The following DNMBP variants were observed in gnomAD, a reference collection of about 807,000 sequenced individuals.
DNMBP encodes dynamin binding protein, also known as dynamin-binding protein.
In DNMBP, 87 loss-of-function variants were observed where a neutral mutation model predicts 150.0. That is an observed-to-expected ratio of 0.58 (90% CI 0.49 to 0.69). The LOEUF (loss-of-function observed/expected upper bound fraction) is 0.69. Ranked by LOEUF, DNMBP falls within the 30% of genes least tolerant of loss-of-function variation. The pLI, the probability that DNMBP is intolerant of heterozygous loss-of-function variation, is 0.00. For synonymous variants in DNMBP, 711 were observed against 750.4 expected, an observed-to-expected ratio of 0.95 and a Z score of 0.86; for missense variants, 1,774 against 1,949.0, an observed-to-expected ratio of 0.91 and a Z score of 1.69.
intron 3 of DNMBP, among the ~76,000 whole-genome samples, chr10:99,959,869 A>AC (rs1414958840): frequency 6.6e-6 from 1 of 151,022 alleles, no homozygotes; most frequent in Non-Finnish European, 1.5e-5. Context: ...AAAAAAAACA[A>AC]AAAAAAAACA....
chr10:99,948,831 C>T (rs1471171636), intron 4 of DNMBP, among the ~76,000 whole-genome samples: 5 of 151,736 alleles, frequency 3.3e-5, no homozygotes, highest in African/African-American at 4.8e-5. Context: ...GGTGTGGTGG[C>T]GGGCACCTGT....
At chr10:99,992,530 T>TG (rs951038271) in intron 1 of DNMBP, among the ~76,000 whole-genome samples, 2 of 147,928 alleles carry the variant, frequency 1.4e-5, no homozygotes, top group African/African-American at 5.1e-5. Context: ...CTAGGAGTTT[T>TG]TTTTTTTTTT....
At chr10:99,895,308 G>T (rs2039636936) in intron 10 of DNMBP, among the ~76,000 whole-genome samples, 1 of 151,920 alleles carries the variant, frequency 6.6e-6, no homozygotes, top group East Asian at 1.9e-4. Context: ...TGTATTACTA[G>T]TAGAGATGGG....
At chr10:99,985,377 A>T (rs2040818387) in intron 1 of DNMBP, among the ~76,000 whole-genome samples, 2 of 152,206 alleles carry the variant, frequency 1.3e-5, no homozygotes, top group Non-Finnish European at 1.5e-5. Context: ...ATATGCCACA[A>T]CACGGCAAAC....
At chr10:99,917,534 G>A (rs2039977035) in intron 4 of DNMBP, among the ~76,000 whole-genome samples, 1 of 152,034 alleles carries the variant, frequency 6.6e-6, no homozygotes. Flanking sequence ...GAATAATAAA[G>A]TAGAAAAAAG....
chr10:99,915,866 AAGT>A (rs1338866264), intron 4 of DNMBP, among the ~76,000 whole-genome samples: 3 of 152,262 alleles, frequency 2.0e-5, no homozygotes, highest in Non-Finnish European at 4.4e-5. Context: ...CTGCCCCAGT[AAGT>A]AGAAGAGCTG....
At chr10:99,901,538 C>A (rs2039738332) in intron 6 of DNMBP, among the ~76,000 whole-genome samples, 1 of 152,136 alleles carries the variant, frequency 6.6e-6, no homozygotes, top group Non-Finnish European at 1.5e-5. Flanking sequence ...CCAGACCCCT[C>A]ATCTAAAGTC....
intron 6 of DNMBP, among the ~76,000 whole-genome samples, chr10:99,907,272 G>A (rs1344140913): frequency 2.6e-5 from 4 of 151,774 alleles, no homozygotes; most frequent in Non-Finnish European, 1.5e-5. Flanking sequence ...AGGCTGCAGT[G>A]AGCTGAATTC....
chr10:99,932,003 A>G (rs2040164155), intron 4 of DNMBP, among the ~76,000 whole-genome samples: 1 of 152,208 alleles, frequency 6.6e-6, no homozygotes, highest in Non-Finnish European at 1.5e-5. Context: ...ATAAGAGAGG[A>G]GGCTGAAGAG....
rs763893446 is a variant in DNMBP, at chr10:99,898,794, A to G, written c.2703-34T>C. ...CAGTGGGCATGAAAAGAAAAGAGAC[A>G]GTTTATTAGAGAGAGAATCTTGAGT... On this transcript the variant is annotated intron_variant, in intron 7 of 16. Coordinates refer to ENST00000324109, the MANE Select transcript of DNMBP (RefSeq NM_015221.4). 4 of 1,594,436 alleles carry G rather than the reference A, an allele frequency of 2.5e-6. No homozygotes were observed. In the East Asian group the frequency reaches 8.9e-5, roughly 36 times the overall value.
rs1270920407 is a variant in DNMBP, at chr10:99,956,888, C to A, written c.586G>T (p.Glu196Ter). Residue 196 changes from glutamate (E) to a stop codon, truncating the protein, a stop_gained, in exon 4 of 17, where the codon GAA becomes TAA. Coordinates refer to ENST00000324109, the MANE Select transcript of DNMBP (RefSeq NM_015221.4). LOFTEE classifies it high-confidence loss of function. ...GGCCCCAACAGCTCTACAAAACCTT[C>A]TGGAAAAATGCCTCTTCGGCCCTCT... ...ELEGRRGIFP[E>*]GFVELLGPLR... is the part of the protein sequence containing the mutation. 6.2e-7 allele frequency: 1 copy of A among 1,614,118 alleles called. No homozygotes were observed. Among genetic ancestry groups the A allele is most frequent in the African/African-American group, 1.3e-5 (1 of 74,938 alleles).
chr10:99,937,059 C>A (rs1564738551), intron 4 of DNMBP, among the ~76,000 whole-genome samples: 2 of 152,226 alleles, frequency 1.3e-5, no homozygotes, highest in South Asian at 4.2e-4. Context: ...CGCCACCACG[C>A]CCAGCTAATT....
At position 99,884,185 on chromosome 10, in the gene DNMBP, C is replaced by G. The variant is rs1401868412; in HGVS notation, c.3823G>C (p.Glu1275Gln). 3 of 1,613,572 alleles carry G rather than the reference C, an allele frequency of 1.9e-6. No individual in the cohort carries two copies. Among genetic ancestry groups the G allele is most frequent in the Non-Finnish European group, 1.7e-6 (2 of 1,179,988 alleles). The change falls in exon 15 of 17, where the codon GAA becomes CAA. Residue 1275 changes from glutamate to glutamine, a missense_variant. By Grantham distance (29) the Glu-to-Gln change is conservative. Around this residue, in one of 2 missense-constraint regions of DNMBP, gnomAD observed 1,430 missense variants for 1,492.5 expected, o/e 0.96. Coordinates refer to ENST00000324109, the MANE Select transcript of DNMBP (RefSeq NM_015221.4). ...GLPSYMLQSE[E>Q]LRASLLARYP... is the part of the protein sequence containing the mutation. ...CTGGCCAGGAGGGAGGCCCGGAGTTCTTCTGACTGTAGCATGTAACTTGGC... is the reference window on the plus strand; with the variant it reads ...CTGGCCAGGAGGGAGGCCCGGAGTTGTTCTGACTGTAGCATGTAACTTGGC...
chr10:99,896,374 C>T lies in DNMBP; in HGVS notation c.2944G>A (p.Glu982Lys). The stretch of plus-strand genomic sequence containing the variant: ...GAAATTTTCTCCATAAGGCTATCTT[C>T]ATCACCCTTACGGTACTTGAGGACT... ...DLVLKYRKGD[E>K]DSLMEKISKL... The change falls in exon 10 of 17, where the codon GAA becomes AAA. Residue 982 changes from glutamate to lysine, a missense_variant. By Grantham distance (56) the Glu-to-Lys change is moderately conservative. This residue lies in a region of DNMBP where 1,430 missense variants were observed against 1,492.5 expected (regional missense o/e 0.96). Coordinates refer to ENST00000324109, the MANE Select transcript of DNMBP (RefSeq NM_015221.4). 6.2e-7 allele frequency: 1 copy of T among 1,614,146 alleles called. No homozygotes were observed. The highest frequency in any genetic ancestry group is 8.5e-7 in the Non-Finnish European group (1 of 1,180,020).
intron 11 of DNMBP, among the ~76,000 whole-genome samples, chr10:99,889,969 A>G (rs1188998821): frequency 6.6e-6 from 1 of 152,204 alleles, no homozygotes; most frequent in Non-Finnish European, 1.5e-5. Flanking sequence ...CTGCCCTGCC[A>G]TGCTACTGAT....
At chr10:99,929,022 T>C (rs979392324) in intron 4 of DNMBP, among the ~76,000 whole-genome samples, 1 of 152,032 alleles carries the variant, frequency 6.6e-6, no homozygotes, top group Non-Finnish European at 1.5e-5. Flanking sequence ...CATGTACCCA[T>C]AGTCCCAGCT....
chr10:100,001,300 T>C (rs1589456121), intron 1 of DNMBP, among the ~76,000 whole-genome samples: 1 of 120,162 alleles, frequency 8.3e-6, no homozygotes, highest in African/African-American at 3.1e-5. Context: ...GGAAGGCAGG[T>C]AGACATTGAA....
At chr10:99,949,011 A>AATGC (rs2040391251) in intron 4 of DNMBP, among the ~76,000 whole-genome samples, 3 of 143,382 alleles carry the variant, frequency 2.1e-5, no homozygotes, top group Admixed American at 6.9e-5. Context: ...TAAATAAATA[A>AATGC]ATGCAGAGTT....
chr10:99,882,937 C>G (rs575751165), intron 15 of DNMBP, among the ~76,000 whole-genome samples: 1 of 152,016 alleles, frequency 6.6e-6, no homozygotes, highest in Non-Finnish European at 1.5e-5. Context: ...TGTGGTGGTG[C>G]GTGCTACTTG....
Sources: allele counts gnomAD v4.1 joint callset (sites outside exome capture counted in the v4.1 genomes callset), GRCh38; gene constraint gnomAD v4.1.1; regional missense constraint gnomAD v4.1.1; transcripts MANE v1.5; gene names NCBI Gene and HGNC (gene_info 2026-07-23, HGNC 2026-07-21).